APOBEC3H: variants seen among roughly 807,000 people sequenced by gnomAD.
The protein encoded by APOBEC3H is DNA dC->dU-editing enzyme APOBEC-3H.
In APOBEC3H, 8 loss-of-function variants were observed where a neutral mutation model predicts 21.2. The ratio of observed to expected loss-of-function variants is 0.38; its 90% CI spans 0.22 to 0.68. APOBEC3H has a LOEUF of 0.68. APOBEC3H is among the 30% of genes least tolerant of loss of function. The pLI is 0.52. For synonymous variants in APOBEC3H, 88 were observed against 91.0 expected (o/e 0.97, Z 0.19); for missense variants, 229 against 228.1 (o/e 1.00, Z -0.03).
At position 39,103,868 on chromosome 22, in the gene APOBEC3H, C is replaced by A. The variant is rs6001435; in HGVS notation, c.*171C>A. On this transcript the variant is annotated 3_prime_UTR_variant, in exon 5 of 5. Coordinates refer to ENST00000442487, the MANE Select transcript of APOBEC3H (RefSeq NM_181773.5). Reference sequence around the variant, plus strand: ...CCACAGTGCCAGTTCCTTGCCCCAACCTGGCCCCATCCAAGTACAGAAGAC... The same window carrying A: ...CCACAGTGCCAGTTCCTTGCCCCAAACTGGCCCCATCCAAGTACAGAAGAC... 2.1e-3 allele frequency: 1,712 copies of A among 805,576 alleles called. 23 individuals are homozygous for A. The African/African-American group carries it at 0.024, about 11-fold the overall frequency. The allele number at this position is 805,576 out of a possible 1,614,324, so 49.9% of individuals were successfully genotyped here. A position where few individuals can be genotyped will look rare whatever the true frequency, so the allele number is the denominator to read the frequency against.
intron 1 of APOBEC3H, among the ~76,000 whole-genome samples, chr22:39,098,136 T>A (rs1013989368): frequency 3.9e-5 from 6 of 152,148 alleles, no homozygotes; most frequent in Non-Finnish European, 4.4e-5. Context: ...CTCTGTAAGA[T>A]GAGAATGGCC....
chr22:39,099,529 A>C (rs1929179382), intron 1 of APOBEC3H, among the ~76,000 whole-genome samples: 1 of 152,140 alleles, frequency 6.6e-6, no homozygotes, highest in South Asian at 2.1e-4. Context: ...CTGCAGCTGG[A>C]AAGAGGGATC....
At position 39,100,706 on chromosome 22, in the gene APOBEC3H, C is replaced by T. The variant is rs951887517; in HGVS notation, c.150+278C>T. Among the ~76,000 whole-genome samples the T allele has an allele frequency of 3.3e-5, 5 of 152,116 alleles. No homozygotes were observed. In the East Asian group the frequency reaches 9.6e-4, roughly 29 times the overall value. ...TGCCCCTCTCATTTACTCATTCTCC[C>T]GATCTCAGCTCAGTCACTACTTCGG... is the stretch of plus-strand genomic sequence containing the variant. On this transcript the variant is annotated intron_variant, in intron 2 of 4. Coordinates refer to ENST00000442487, the MANE Select transcript of APOBEC3H (RefSeq NM_181773.5).
intron 3 of APOBEC3H, 82 bp from the exon 4 acceptor site, chr22:39,101,835 GA>G: frequency 6.3e-7 from 1 of 1,597,766 alleles, no homozygotes; most frequent in African/African-American, 1.3e-5. Flanking sequence ...GAGAGGAAGA[GA>G]AGAGAGGGGA....
intron 1 of APOBEC3H, among the ~76,000 whole-genome samples, chr22:39,098,248 G>A (rs1003543887): frequency 1.3e-5 from 2 of 152,202 alleles, no homozygotes; most frequent in African/African-American, 4.8e-5. Context: ...TTTTTGTTTC[G>A]TTTTGTTTTT....
chr22:39,100,382 C>T lies in APOBEC3H; in HGVS notation c.104C>T (p.Thr35Met), dbSNP rs149415555. 54 of 1,614,092 alleles carry T rather than the reference C, an allele frequency of 3.3e-5. No individual in the cohort carries two copies. The African/African-American group carries it at 4.4e-4, about 13-fold the overall frequency. Residue 35 changes from threonine to methionine, a missense_variant, in exon 2 of 5, where the codon ACG becomes ATG. Physicochemically the swap from Thr to Met is moderately conservative, Grantham distance 81 (BLOSUM62 -1). Coordinates refer to ENST00000442487, the MANE Select transcript of APOBEC3H (RefSeq NM_181773.5). Reference sequence around the variant, plus strand: ...AAGGCCCTCTTGTGTTACCAGCTGACGCCGCAGAATGGCTCCACGCCCACG... The same window carrying T: ...AAGGCCCTCTTGTGTTACCAGCTGATGCCGCAGAATGGCTCCACGCCCACG... ...PRKALLCYQL[T>M]PQNGSTPTRG... is the part of the protein sequence containing the mutation.
intron 1 of APOBEC3H, among the ~76,000 whole-genome samples, chr22:39,100,033 C>T (rs1170704114): frequency 1.3e-5 from 2 of 152,150 alleles, no homozygotes; most frequent in South Asian, 2.1e-4. Flanking sequence ...ATTAGCCAGG[C>T]GTGGTGGCAG....
At chr22:39,099,952 C>T (rs1345814427) in intron 1 of APOBEC3H, among the ~76,000 whole-genome samples, 2 of 152,212 alleles carry the variant, frequency 1.3e-5, no homozygotes, top group Non-Finnish European at 2.9e-5. Flanking sequence ...GTGGGTGGAT[C>T]ACCTGAGATC....
At chr22:39,098,053 G>A (rs894039118) in intron 1 of APOBEC3H, among the ~76,000 whole-genome samples, 14 of 152,234 alleles carry the variant, frequency 9.2e-5, no homozygotes, top group African/African-American at 3.4e-4. Flanking sequence ...GAGGCTGGCA[G>A]GGCTGGCCAG....
intron 1 of APOBEC3H, among the ~76,000 whole-genome samples, chr22:39,098,082 T>C (rs139280): frequency 0.32 from 47,963 of 151,950 alleles, 7,705 homozygotes; most frequent in South Asian, 0.44. Flanking sequence ...CCCAGCTCCA[T>C]GGCCTGGGCA....
chr22:39,097,605 G>A (rs1460206831), intron 1 of APOBEC3H, among the ~76,000 whole-genome samples: 1 of 152,200 alleles, frequency 6.6e-6, no homozygotes, highest in East Asian at 1.9e-4. Flanking sequence ...TCATGGCTGG[G>A]CTAGTGCTCC....
At chr22:39,101,060 G>C (rs1317862126) in intron 2 of APOBEC3H, among the ~76,000 whole-genome samples, 177 bp from the exon 3 acceptor site, 1 of 152,004 alleles carries the variant, frequency 6.6e-6, no homozygotes, top group Non-Finnish European at 1.5e-5. Flanking sequence ...GTATAAACCA[G>C]GGAAGGCAGG....
chr22:39,100,355 G>C lies in APOBEC3H; in HGVS notation c.77G>C (p.Arg26Thr). 6.2e-7 allele frequency: 1 copy of C among 1,614,120 alleles called. No individual in the cohort carries two copies. Among genetic ancestry groups the C allele is most frequent in the Non-Finnish European group, 8.5e-7 (1 of 1,180,002 alleles). ...CGCCTCAGAAGGCCTTACTACCCGA[G>C]GAAGGCCCTCTTGTGTTACCAGCTG... is the stretch of plus-strand genomic sequence containing the variant. ...KRRLRRPYYPRKALLCYQLTP... is the reference protein window; with the variant it reads ...KRRLRRPYYPTKALLCYQLTP... The change falls in exon 2 of 5, where the codon AGG becomes ACG. Residue 26 changes from arginine to threonine, a missense_variant. Coordinates refer to ENST00000442487, the MANE Select transcript of APOBEC3H (RefSeq NM_181773.5).
chr22:39,101,970 C>T lies in APOBEC3H; in HGVS notation c.471C>T (p.Phe157=), dbSNP rs758309763. ...TGGACCACGAGAAACCGCTTTCCTT[C>T]AACCCCTATAAGATGTTAGAGGAGC... ...NFVDHEKPLS[F]NPYKMLEELD... is the part of the protein sequence containing the mutation. The change falls in exon 4 of 5, where the codon TTC becomes TTT. Residue 157 remains phenylalanine (F), a synonymous_variant. Transcript: ENST00000442487. The T allele has an allele frequency of 6.2e-7, 1 of 1,613,800 alleles. No individual in the cohort carries two copies. The highest frequency in any genetic ancestry group is 1.7e-5 in the Admixed American group (1 of 59,968).
intron 1 of APOBEC3H, among the ~76,000 whole-genome samples, chr22:39,099,720 G>A (rs1243554587): frequency 6.6e-6 from 1 of 152,204 alleles, no homozygotes; most frequent in East Asian, 1.9e-4. Context: ...TGCCCTCCCA[G>A]GTGGGAGGAT....
Position 39,103,820 on chromosome 22 carries a change from G to C in APOBEC3H, c.*123G>C. 2 of 1,285,984 alleles carry C rather than the reference G, an allele frequency of 1.6e-6. No homozygotes were observed. Among genetic ancestry groups the C allele is most frequent in the Non-Finnish European group, 2.3e-6 (2 of 882,154 alleles). 79.7% of individuals were successfully genotyped at this position (1,285,984 alleles called of 1,614,324 possible). On this transcript the variant is annotated 3_prime_UTR_variant, in exon 5 of 5. Coordinates refer to ENST00000442487, the MANE Select transcript of APOBEC3H (RefSeq NM_181773.5). ...ATGTCAGTTGCCTCATAGCCTGCTG[G>C]TCCTGTAAGCAAGCACTAAGCTCCA... is the stretch of plus-strand genomic sequence containing the variant.
At chr22:39,100,751 C>T (rs1199282342) in intron 2 of APOBEC3H, among the ~76,000 whole-genome samples, 1 of 152,154 alleles carries the variant, frequency 6.6e-6, no homozygotes, top group Non-Finnish European at 1.5e-5. Context: ...GGTGCCGTGC[C>T]ACGGTCCGAG....
At chr22:39,098,743 C>G (rs996632326) in intron 1 of APOBEC3H, among the ~76,000 whole-genome samples, 2 of 152,088 alleles carry the variant, frequency 1.3e-5, no homozygotes, top group South Asian at 2.1e-4. Flanking sequence ...CCCTGGTCTT[C>G]CTGCTTGGGA....
Position 39,101,313 on chromosome 22 carries a change from T to A in APOBEC3H, c.227T>A (p.Val76Asp). The stretch of plus-strand genomic sequence containing the variant: ...CTGGACGAAACGCAGTGCTACCAAG[T>A]CACCTGTTACCTCACGTGGAGCCCC... ...MGLDETQCYQ[V>D]TCYLTWSPCS... The change falls in exon 3 of 5, where the codon GTC (valine) becomes GAC (aspartate). Residue 76 changes from valine to aspartate, a missense_variant. By Grantham distance (152) the Val-to-Asp change is radical. Transcript: ENST00000442487. 1 of 1,613,416 alleles carries A rather than the reference T, an allele frequency of 6.2e-7. No individual in the cohort carries two copies. Among genetic ancestry groups the A allele is most frequent in the Non-Finnish European group, 8.5e-7 (1 of 1,179,906 alleles).
Sources: allele counts gnomAD v4.1 joint callset (sites outside exome capture counted in the v4.1 genomes callset), GRCh38; gene constraint gnomAD v4.1.1; transcripts MANE v1.5; gene names NCBI Gene and HGNC (gene_info 2026-07-23, HGNC 2026-07-21).